Variants in SYT1 observed in about 807,000 individuals in gnomAD.
SYT1 encodes the protein synaptotagmin-1.
SYT1 carries 8 observed loss-of-function variants against 44.8 expected under a neutral mutation model. That is an observed-to-expected ratio of 0.18 (90% CI 0.10 to 0.32). The LOEUF (loss-of-function observed/expected upper bound fraction) is 0.32, where lower values mean the gene tolerates loss of function less well. Among genes scored for constraint, SYT1 ranks in the 10% least tolerant of loss-of-function variants. The pLI is 1.00. For synonymous variants in SYT1, 154 were observed against 188.8 expected, an observed-to-expected ratio of 0.82 and a Z score of 1.51; for missense variants, 286 against 509.3, an observed-to-expected ratio of 0.56 and a Z score of 4.22.
intron 3 of SYT1, among the ~76,000 whole-genome samples, chr12:79,081,484 T>G (rs941136406): frequency 7.9e-5 from 12 of 151,916 alleles, no homozygotes; most frequent in African/African-American, 2.9e-4. Context: ...GTTAATCTGA[T>G]TCTCCTGCCT....
At chr12:79,239,124 T>C (rs1592885903) in intron 4 of SYT1, among the ~76,000 whole-genome samples, 1 of 152,356 alleles carries the variant, frequency 6.6e-6, no homozygotes, top group Admixed American at 6.5e-5. Flanking sequence ...TAATTTTAGA[T>C]ACTATGTTTC....
intron 3 of SYT1, among the ~76,000 whole-genome samples, chr12:79,138,665 G>T (rs1178951747): frequency 6.6e-6 from 1 of 152,218 alleles, no homozygotes; most frequent in Non-Finnish European, 1.5e-5. Context: ...GCATGTGTGT[G>T]TGTGCATGCA....
chr12:79,227,055 C>T (rs569431021), intron 4 of SYT1, among the ~76,000 whole-genome samples: 1 of 152,144 alleles, frequency 6.6e-6, no homozygotes, highest in East Asian at 1.9e-4. Context: ...AAATTGATAG[C>T]AAACAGCTTT....
intron 1 of SYT1, among the ~76,000 whole-genome samples, chr12:78,903,228 AAAG>A (rs1297803392): frequency 2.6e-5 from 4 of 151,612 alleles, no homozygotes; most frequent in South Asian, 2.1e-4. Context: ...TATATTAAAA[AAAG>A]AGAAAAATCT....
At chr12:79,020,673 A>G (rs1023159701) in intron 2 of SYT1, among the ~76,000 whole-genome samples, 5 of 151,852 alleles carry the variant, frequency 3.3e-5, no homozygotes, top group Non-Finnish European at 5.9e-5. Context: ...TATTGCTGCT[A>G]TTGCCTGCTG....
intron 1 of SYT1, among the ~76,000 whole-genome samples, chr12:78,922,364 G>A (rs1592563521): frequency 2.0e-5 from 3 of 151,894 alleles, no homozygotes; most frequent in South Asian, 4.1e-4. Context: ...CCTAGGCTTT[G>A]CCAGTTGTTG....
Position 79,057,421 on chromosome 12 carries a change from A to G in SYT1, c.-18+10059A>G, listed in dbSNP as rs183556209. ...CATATGACCCCCCCCAAATGATATTATACAATTTTTCAATAGTCTGAAATA... is the reference window on the plus strand; with the variant it reads ...CATATGACCCCCCCCAAATGATATTGTACAATTTTTCAATAGTCTGAAATA... On this transcript the variant is annotated intron_variant, in intron 3 of 10. Transcript: ENST00000261205. 4.1e-4 allele frequency among the ~76,000 whole-genome samples: 62 copies of G among 152,182 alleles called. 1 individual carries two copies. The highest frequency in any genetic ancestry group is 8.2e-4 in the Non-Finnish European group (56 of 67,998).
At chr12:79,331,575 T>C (rs1462918236) in intron 8 of SYT1, among the ~76,000 whole-genome samples, 2 of 152,188 alleles carry the variant, frequency 1.3e-5, no homozygotes, top group African/African-American at 2.4e-5. Flanking sequence ...AGAATTAATA[T>C]GCATTTTAAA....
intron 4 of SYT1, among the ~76,000 whole-genome samples, chr12:79,244,164 T>C (rs553191298): frequency 6.6e-6 from 1 of 152,180 alleles, no homozygotes; most frequent in African/African-American, 2.4e-5. Context: ...TGATAATTAT[T>C]AGTGTTCTCT....
intron 9 of SYT1, among the ~76,000 whole-genome samples, chr12:79,411,931 A>G (rs1010175964): frequency 1.3e-5 from 2 of 152,076 alleles, no homozygotes; most frequent in African/African-American, 4.8e-5. Flanking sequence ...AGATCATTTC[A>G]TGATATCATT....
In SYT1 at chr12:79,134,985, C is replaced by CCACACACACACACA. The variant is rs201834566; in HGVS notation, c.-17-82507_-17-82494dup. On this transcript the variant is annotated intron_variant, in intron 3 of 10. Transcript: ENST00000261205. ...AGAAAGTAGATCTTAAATGTTCTCA[C>CCACACACACACACA]CACACACACACACACACACACACAA... Among the ~76,000 whole-genome samples, 469 of 147,966 alleles carry CCACACACACACACA rather than the reference C, an allele frequency of 3.2e-3. 4 individuals carry two copies. The highest frequency in any genetic ancestry group is 0.011 in the African/African-American group (437 of 40,482).
intron 2 of SYT1, among the ~76,000 whole-genome samples, chr12:78,999,274 C>T (rs552551923): frequency 6.6e-6 from 1 of 152,226 alleles, no homozygotes; most frequent in African/African-American, 2.4e-5. Context: ...TCTAGAAAGG[C>T]AGCAAACAAT....
At chr12:79,014,122 C>CAAAAAAAAAAAAAAAA (rs1358787041) in intron 2 of SYT1, among the ~76,000 whole-genome samples, 3 of 39,710 alleles carry the variant, frequency 7.6e-5, no homozygotes, top group Non-Finnish European at 1.1e-4. Flanking sequence ...AGACTCTCTC[C>CAAAAAAAAAAAAAAAA]AAAAAAAAAA....
intron 3 of SYT1, among the ~76,000 whole-genome samples, chr12:79,183,793 T>G (rs1872666491): frequency 6.6e-6 from 1 of 152,120 alleles, no homozygotes; most frequent in Non-Finnish European, 1.5e-5. Flanking sequence ...CAATGCTTAC[T>G]AAAGTTTTCG....
At chr12:79,248,508 A>G (rs1876986480) in intron 4 of SYT1, among the ~76,000 whole-genome samples, 1 of 152,214 alleles carries the variant, frequency 6.6e-6, no homozygotes, top group Admixed American at 6.5e-5. Context: ...ACGCATGGAA[A>G]TATCAAAAGG....
chr12:79,249,255 C>G (rs1158251266), intron 4 of SYT1, among the ~76,000 whole-genome samples: 2 of 151,626 alleles, frequency 1.3e-5, no homozygotes, highest in Non-Finnish European at 2.9e-5. Flanking sequence ...CAGGCGCCCG[C>G]CACCGCGCCC....
intron 1 of SYT1, among the ~76,000 whole-genome samples, chr12:78,904,269 G>A (rs1018263779): frequency 6.6e-6 from 1 of 152,028 alleles, no homozygotes; most frequent in Non-Finnish European, 1.5e-5. Flanking sequence ...ATATGACTTA[G>A]CCTTATGATA....
rs530556005 is a variant in SYT1, at chr12:79,113,170, G to A, written c.-18+65808G>A. On this transcript the variant is annotated intron_variant, in intron 3 of 10. Coordinates refer to ENST00000261205, the MANE Select transcript of SYT1 (RefSeq NM_005639.3). ...GTGTTTCTGATATGTTAACCAAAATGTTTTATGTATGGTGTCCATTTTAAT... is the reference window on the plus strand; with the variant it reads ...GTGTTTCTGATATGTTAACCAAAATATTTTATGTATGGTGTCCATTTTAAT... Among the ~76,000 whole-genome samples, 16 of 152,156 alleles carry A rather than the reference G, an allele frequency of 1.1e-4. No individual in the cohort carries two copies. The East Asian group carries it at 2.5e-3, about 24-fold the overall frequency.
chr12:79,442,323 G>A (rs1870474268), intron 9 of SYT1, among the ~76,000 whole-genome samples: 1 of 152,112 alleles, frequency 6.6e-6, no homozygotes, highest in Non-Finnish European at 1.5e-5. Flanking sequence ...ACAGTAACAT[G>A]GATTATCAGT....
Sources: allele counts gnomAD v4.1 joint callset (sites outside exome capture counted in the v4.1 genomes callset), GRCh38; gene constraint gnomAD v4.1.1; transcripts MANE v1.5; gene names NCBI Gene and HGNC (gene_info 2026-07-23, HGNC 2026-07-21).